UGT2A3: variants seen among roughly 807,000 people sequenced by gnomAD.
UGT2A3 encodes UDP glucuronosyltransferase family 2 member A3, also known as UDP-glucuronosyltransferase 2A3.
In UGT2A3, 55 loss-of-function variants were observed where a neutral mutation model predicts 44.1. The observed-to-expected ratio is 1.25, with a 90% confidence interval of 1.00 to 1.56. The LOEUF is 1.56. Ranked by LOEUF, UGT2A3 falls within the 40% of genes most tolerant of loss-of-function variation. The pLI is 0.00. For synonymous variants in UGT2A3, 243 were observed against 215.1 expected, an observed-to-expected ratio of 1.13 and a Z score of -1.13; for missense variants, 733 against 621.6, an observed-to-expected ratio of 1.18 and a Z score of -1.91.
chr4:68,946,220 AGTATCTCT>A (rs1718379983), intron 1 of UGT2A3, among the ~76,000 whole-genome samples: 1 of 151,756 alleles, frequency 6.6e-6, no homozygotes, highest in Admixed American at 6.6e-5. Context: ...CTAAGTAATT[AGTATCTCT>A]TTACAAAAAC....
chr4:68,947,785 A>G (rs1175200814), intron 1 of UGT2A3, among the ~76,000 whole-genome samples: 1 of 151,774 alleles, frequency 6.6e-6, no homozygotes, highest in African/African-American at 2.4e-5. Context: ...CCCTTTGTTG[A>G]CCATGTGAAT....
intron 1 of UGT2A3, among the ~76,000 whole-genome samples, chr4:68,949,371 A>C (rs1380881341): frequency 1.3e-5 from 2 of 151,874 alleles, no homozygotes; most frequent in Non-Finnish European, 2.9e-5. Context: ...TGGGATGGGG[A>C]AACGAATCAG....
intron 2 of UGT2A3, among the ~76,000 whole-genome samples, chr4:68,935,276 GTA>G (rs57286694): frequency 0.085 from 5,084 of 60,000 alleles, 387 homozygotes; most frequent in Non-Finnish European, 0.11. Context: ...ATGTATGTAT[GTA>G]TATATATATA....
chr4:68,930,075 A>G lies in UGT2A3; in HGVS notation c.1322T>C (p.Met441Thr). 6.2e-7 allele frequency: 1 copy of G among 1,609,880 alleles called. No homozygotes were observed. The highest frequency in any genetic ancestry group is 8.5e-7 in the Non-Finnish European group (1 of 1,177,488). Residue 441 changes from methionine (M) to threonine (T), a missense_variant, in exon 6 of 6, where the codon ATG (methionine) becomes ACG (threonine). Physicochemically the swap from Met to Thr is moderately conservative, Grantham distance 81. Coordinates refer to ENST00000251566, the MANE Select transcript of UGT2A3 (RefSeq NM_024743.4). Reference protein sequence around the residue: ...ITDSSYKENAMRLSRIHHDQP... With the variant: ...ITDSSYKENATRLSRIHHDQP... Reference sequence around the variant, plus strand: ...ATCATGGTGAATTCTTGATAATCTCATAGCATTCTCTTTATAACTGGAAGG... The same window carrying G: ...ATCATGGTGAATTCTTGATAATCTCGTAGCATTCTCTTTATAACTGGAAGG...
In UGT2A3 at chr4:68,951,050, T is replaced by G; in HGVS notation, c.711A>C (p.Ala237=). The part of the protein sequence containing the change: ...YHFWEEFYSK[A]LGRPTTLCET... ...AATAAAACAAAAGTGTCTTACCTAA[T>G]GCCTTACTATAAAACTCTTCCCAAA... is the stretch of plus-strand genomic sequence containing the variant. Residue 237 remains alanine, a synonymous_variant, in exon 1 of 6, where the codon GCA becomes GCC. Coordinates refer to ENST00000251566, the MANE Select transcript of UGT2A3 (RefSeq NM_024743.4). 6.4e-7 allele frequency: 1 copy of G among 1,557,788 alleles called. No homozygotes were observed.
chr4:68,934,818 A>G (rs1283077372), intron 2 of UGT2A3, among the ~76,000 whole-genome samples: 10 of 151,968 alleles, frequency 6.6e-5, no homozygotes, highest in Admixed American at 6.6e-4. Context: ...TCAGTGAGCT[A>G]TAATAATGTC....
At chr4:68,945,257 A>G (rs1166195611) in intron 2 of UGT2A3, 49 bp downstream of exon 2, 7 of 1,600,310 alleles carry the variant, frequency 4.4e-6, no homozygotes, top group Non-Finnish European at 5.1e-6. Context: ...TCAAGGGAAA[A>G]CAAGTCATGT....
chr4:68,935,833 G>A (rs1717931893), intron 2 of UGT2A3, among the ~76,000 whole-genome samples: 1 of 152,040 alleles, frequency 6.6e-6, no homozygotes, highest in Non-Finnish European at 1.5e-5. Context: ...TAGACAAATG[G>A]CTAACTAGAA....
rs753755626 is a variant in UGT2A3 at position 68,951,782 on chromosome 4, T to C, written c.-22A>G. 9 of 1,517,584 alleles carry C rather than the reference T, an allele frequency of 5.9e-6. No homozygotes were observed. The Admixed American group carries it at 1.7e-4, about 28-fold the overall frequency. 94.0% of individuals were successfully genotyped at this position (1,517,584 alleles called of 1,614,324 possible). On this transcript the variant is annotated 5_prime_UTR_variant, in exon 1 of 6. Transcript: ENST00000251566. ...TCATGATGGCAGTTCCCTCACACAC[T>C]GATCTGCAATGGTTTTGTAGTTACT...
At chr4:68,930,216 G>T in intron 5 of UGT2A3, 124 bp from the exon 6 acceptor site, 1 of 1,123,292 alleles carries the variant, frequency 8.9e-7, no homozygotes, top group Non-Finnish European at 1.3e-6. Flanking sequence ...ATTGATTCTG[G>T]TTGTGACATG....
At chr4:68,930,885 A>G in intron 4 of UGT2A3, 120 bp from the exon 5 acceptor site, 2 of 891,918 alleles carry the variant, frequency 2.2e-6, no homozygotes, top group Non-Finnish European at 3.3e-6. Context: ...CTTTCTTTAG[A>G]AGGTGAGCAC....
chr4:68,941,815 T>A (rs954034740), intron 2 of UGT2A3, among the ~76,000 whole-genome samples: 4 of 151,530 alleles, frequency 2.6e-5, no homozygotes, highest in Non-Finnish European at 5.9e-5. Flanking sequence ...GATTAAAAAA[T>A]AAGCAAAAGA....
rs751814201 is a variant in UGT2A3 at position 68,931,255 on chromosome 4, C to A, written c.997-13G>T. The A allele has an allele frequency of 1.0e-5, 16 of 1,603,128 alleles. No homozygotes were observed. The South Asian group carries it at 1.8e-4, about 18-fold the overall frequency. ...ACCTCCATAACACCTACGGAAGAAA[C>A]ACATGTATTTCACAGAGTGAACCAC... On this transcript the variant is annotated splice_polypyrimidine_tract_variant and intron_variant, in intron 3 of 5. Transcript: ENST00000251566.
intron 2 of UGT2A3, among the ~76,000 whole-genome samples, chr4:68,933,791 G>A (rs1167767225): frequency 1.3e-5 from 2 of 152,026 alleles, no homozygotes; most frequent in East Asian, 1.9e-4. Context: ...TTCTGGCACA[G>A]CATTATGTTT....
intron 1 of UGT2A3, among the ~76,000 whole-genome samples, chr4:68,948,330 G>T (rs1718454258): frequency 6.6e-6 from 1 of 151,168 alleles, no homozygotes; most frequent in African/African-American, 2.4e-5. Context: ...CCTCTCTGAG[G>T]CTTCATGCAA....
Position 68,951,527 on chromosome 4 carries a change from A to G in UGT2A3, c.234T>C (p.His78=), listed in dbSNP as rs1363545083. 5.0e-6 allele frequency: 8 copies of G among 1,612,964 alleles called. No individual in the cohort carries two copies. The highest frequency in any genetic ancestry group is 1.1e-5 in the South Asian group (1 of 91,064). The part of the protein sequence containing the change: ...KPSALKFEVV[H]MPQDRTEENE... ...TTTCTTCTGTTCTGTCCTGTGGCAT[A>G]TGGACCACCTCAAATTTCAATGCAG... is the stretch of plus-strand genomic sequence containing the variant. The change falls in exon 1 of 6, where the codon CAT becomes CAC. Residue 78 remains histidine (H), a synonymous_variant. Coordinates refer to ENST00000251566, the MANE Select transcript of UGT2A3 (RefSeq NM_024743.4).
intron 1 of UGT2A3, among the ~76,000 whole-genome samples, chr4:68,948,789 C>T (rs536073688): frequency 6.6e-6 from 1 of 151,964 alleles, no homozygotes; most frequent in Non-Finnish European, 1.5e-5. Flanking sequence ...TAGTTTTTGG[C>T]CTGTCCCAGG....
chr4:68,936,011 G>GA (rs1560457364), intron 2 of UGT2A3, among the ~76,000 whole-genome samples: 1 of 152,090 alleles, frequency 6.6e-6, no homozygotes, highest in Admixed American at 6.6e-5. Flanking sequence ...CAAGTTTAGG[G>GA]AAAAAAGTGT....
chr4:68,946,804 C>T (rs9329037), intron 1 of UGT2A3, among the ~76,000 whole-genome samples: 110,553 of 151,396 alleles, frequency 0.73, 41,972 homozygotes, highest in Non-Finnish European at 0.86. Context: ...AAGGAATATG[C>T]CAATAAAGTG....
Sources: gnomAD v4.1 joint callset for allele counts (sites outside exome capture counted in the v4.1 genomes callset) on GRCh38, gnomAD v4.1.1 for gene constraint, MANE v1.5 for transcripts, NCBI Gene and HGNC (gene_info 2026-07-23, HGNC 2026-07-21) for gene names.